SMIM31: variants seen among roughly 807,000 people sequenced by gnomAD.
SMIM31 encodes small integral membrane protein 31, also known as human epithelial cell program regulator.
intron 2 of SMIM31, among the ~76,000 whole-genome samples, chr4:164,776,175 T>C (rs1018785253): frequency 7.2e-5 from 11 of 152,200 alleles, no homozygotes; most frequent in Admixed American, 5.2e-4. Context: ...TTTTCTCTCT[T>C]CTTTAATCAG....
rs72177805 is a variant in SMIM31, at chr4:164,788,478, C to CTTTTT, written c.113-12589_113-12585dup. Among the ~76,000 whole-genome samples the CTTTTT allele has an allele frequency of 6.5e-4, 38 of 58,196 alleles. 6 individuals carry two copies. Among genetic ancestry groups the CTTTTT allele is most frequent in the East Asian group, 1.5e-3 (3 of 1,942 alleles). The allele number at this position is 58,196 out of a possible 152,430, so 38.2% of individuals were successfully genotyped here. On this transcript the variant is annotated intron_variant, in intron 2 of 2. Coordinates refer to ENST00000507311, the MANE Select transcript of SMIM31 (RefSeq NM_001352885.1). ...ATAAAATTTCTTTCTTCTAATTTTT[C>CTTTTT]TTTTTTTTTTTTTTTTTTTTTTTTT...
intron 2 of SMIM31, among the ~76,000 whole-genome samples, chr4:164,773,385 A>G (rs1732838000): frequency 6.6e-6 from 1 of 152,240 alleles, no homozygotes. Flanking sequence ...TGGGTAATTT[A>G]TAAAGGAAAG....
chr4:164,761,922 C>CAAATAAAT (rs200368340), intron 1 of SMIM31, among the ~76,000 whole-genome samples: 2,269 of 146,670 alleles, frequency 0.015, 35 homozygotes, highest in East Asian at 0.034. Context: ...GACTCCACCT[C>CAAATAAAT]AAATAAATAA....
At chr4:164,772,585 A>AT (rs755302201) in intron 2 of SMIM31, among the ~76,000 whole-genome samples, 2,703 of 142,756 alleles carry the variant, frequency 0.019, 59 homozygotes, top group Middle Eastern at 0.074. Flanking sequence ...TTTTTATTTT[A>AT]TTTTTTTTTT....
chr4:164,773,123 T>A (rs1732834792), intron 2 of SMIM31, among the ~76,000 whole-genome samples: 1 of 150,596 alleles, frequency 6.6e-6, no homozygotes, highest in Admixed American at 6.6e-5. Flanking sequence ...AAGATACAAC[T>A]TAATTTTTAA....
At chr4:164,796,830 T>C (rs1489301160) in intron 2 of SMIM31, among the ~76,000 whole-genome samples, 3 of 152,224 alleles carry the variant, frequency 2.0e-5, no homozygotes, top group Non-Finnish European at 2.9e-5. Context: ...CCCCAGAGTA[T>C]GGCAATAATT....
At chr4:164,768,934 T>A (rs946078175) in intron 1 of SMIM31, among the ~76,000 whole-genome samples, 3 of 152,194 alleles carry the variant, frequency 2.0e-5, no homozygotes, top group African/African-American at 7.2e-5. Context: ...CTAACCACAA[T>A]GAAGTTTGAG....
chr4:164,772,895 A>G (rs1052553170), intron 2 of SMIM31, among the ~76,000 whole-genome samples: 1 of 151,498 alleles, frequency 6.6e-6, no homozygotes, highest in African/African-American at 2.4e-5. Context: ...GAAGTTTTAA[A>G]CTTTACCATA....
intron 2 of SMIM31, among the ~76,000 whole-genome samples, chr4:164,775,352 G>C (rs1732865460): frequency 6.6e-6 from 1 of 152,120 alleles, no homozygotes; most frequent in Non-Finnish European, 1.5e-5. Flanking sequence ...TCAACTCCTT[G>C]TTCTTTGTCT....
At chr4:164,770,939 C>T (rs1732792785) in intron 2 of SMIM31, among the ~76,000 whole-genome samples, 1 of 152,034 alleles carries the variant, frequency 6.6e-6, no homozygotes, top group South Asian at 2.1e-4. Flanking sequence ...TCAGGGCCCA[C>T]CACATTTCAG....
chr4:164,783,542 AAAAAAAG>A (rs1254671588), intron 2 of SMIM31, among the ~76,000 whole-genome samples: 1 of 151,680 alleles, frequency 6.6e-6, no homozygotes, highest in Non-Finnish European at 1.5e-5. Context: ...AAAAAAAAAA[AAAAAAAG>A]GAATTTCCAT....
intron 2 of SMIM31, among the ~76,000 whole-genome samples, chr4:164,782,658 T>C (rs757860860): frequency 1.3e-5 from 2 of 151,438 alleles, no homozygotes; most frequent in South Asian, 2.1e-4. Flanking sequence ...ATAAACATCA[T>C]AGGAGAGATT....
In SMIM31 at chr4:164,787,556, A is replaced by G. The variant is rs536077741; in HGVS notation, c.113-13535A>G. On this transcript the variant is annotated intron_variant, in intron 2 of 2. Coordinates refer to ENST00000507311, the MANE Select transcript of SMIM31 (RefSeq NM_001352885.1). ...TAAACATTTGGGCTTTTTTTTTTTA[A>G]AGCTAAAACTAGTGGATACAGTCAG... Among the ~76,000 whole-genome samples the G allele has an allele frequency of 5.6e-3, 307 of 54,906 alleles. 3 individuals are homozygous for G. The highest frequency in any genetic ancestry group is 5.8e-3 in the Non-Finnish European group (158 of 27,012). The allele number at this position is 54,906 out of a possible 152,430, so 36.0% of individuals were successfully genotyped here. A position where few individuals can be genotyped will look rare whatever the true frequency, so the allele number is the denominator to read the frequency against.
At chr4:164,758,566 A>C (rs992336823) in intron 1 of SMIM31, among the ~76,000 whole-genome samples, 7 of 149,430 alleles carry the variant, frequency 4.7e-5, no homozygotes, top group Admixed American at 6.7e-5. Flanking sequence ...GAAGAGTGTT[A>C]ATTTTTTTCA....
At chr4:164,795,062 ATCTC>A (rs1733171918) in intron 2 of SMIM31, among the ~76,000 whole-genome samples, 1 of 152,066 alleles carries the variant, frequency 6.6e-6, no homozygotes, top group Non-Finnish European at 1.5e-5. Context: ...ATACTAATAA[ATCTC>A]TATTTTTACA....
chr4:164,758,779 G>A lies in SMIM31; in HGVS notation c.-26+4368G>A, dbSNP rs796716515. ...CTCCAGCATAGCTGGGACTACAGGC[G>A]CCCGCCACCACGCCCGGCCAAATTT... On this transcript the variant is annotated intron_variant, in intron 1 of 2. Coordinates refer to ENST00000507311, the MANE Select transcript of SMIM31 (RefSeq NM_001352885.1). 3.3e-3 allele frequency among the ~76,000 whole-genome samples: 454 copies of A among 135,626 alleles called. 3 individuals carry two copies. Among genetic ancestry groups the A allele is most frequent in the African/African-American group, 0.012 (428 of 36,454 alleles). The allele number at this position is 135,626 out of a possible 152,430, so 89.0% of individuals were successfully genotyped here.
At chr4:164,768,320 C>G (rs1449155193) in intron 1 of SMIM31, among the ~76,000 whole-genome samples, 1 of 150,570 alleles carries the variant, frequency 6.6e-6, no homozygotes, top group Non-Finnish European at 1.5e-5. Context: ...GAAGGAGCTA[C>G]TCAGGAAGCT....
chr4:164,760,618 TA>T (rs571273193), intron 1 of SMIM31, among the ~76,000 whole-genome samples: 159 of 150,354 alleles, frequency 1.1e-3, no homozygotes, highest in African/African-American at 3.8e-3. Flanking sequence ...TGGGCGCCTG[TA>T]ATCCTAGCTA....
At chr4:164,797,374 C>T (rs748837839) in intron 2 of SMIM31, among the ~76,000 whole-genome samples, 4 of 151,296 alleles carry the variant, frequency 2.6e-5, no homozygotes, top group Non-Finnish European at 5.9e-5. Flanking sequence ...GAAACACAGA[C>T]CAATAGAATA....
Sources: allele counts gnomAD v4.1 joint callset (sites outside exome capture counted in the v4.1 genomes callset), GRCh38; gene constraint gnomAD v4.1.1; transcripts MANE v1.5; gene names NCBI Gene and HGNC (gene_info 2026-07-23, HGNC 2026-07-21).